Variants in DHX37 observed in about 807,000 individuals in gnomAD.
The protein encoded by DHX37 is probable ATP-dependent RNA helicase DHX37.
Under a neutral mutation model 134.3 loss-of-function variants are expected in DHX37, and 52 were observed. The ratio of observed to expected loss-of-function variants is 0.39; its 90% confidence interval spans 0.31 to 0.49. The LOEUF (loss-of-function observed/expected upper bound fraction) is 0.49. Ranked by LOEUF, DHX37 falls within the 20% of genes least tolerant of loss-of-function variation. DHX37 has a pLI of 0.93. For missense variants in DHX37, 1,344 were observed against 1,580.8 expected (o/e 0.85, Z 2.54); for synonymous variants, 634 against 670.7 (o/e 0.95, Z 0.85).
At position 124,966,898 on chromosome 12, in the gene DHX37, G is replaced by A; in HGVS notation, c.1505-20C>T. ...CCTTTTCTGGGAGAGGGGCAGGTTG[G>A]GGAGAAAGGCGTCTGTGGCCGGCGT... On this transcript the variant is annotated intron_variant, in intron 11 of 26. Transcript: ENST00000308736. 1 of 1,614,224 alleles carries A rather than the reference G, an allele frequency of 6.2e-7. No individual in the cohort carries two copies. The highest frequency in any genetic ancestry group is 8.5e-7 in the Non-Finnish European group (1 of 1,180,028).
rs201177773 is a variant in DHX37, at chr12:124,975,468, C to T, written c.931G>A (p.Ala311Thr). The change falls in exon 6 of 27, where the codon GCC (alanine) becomes ACC (threonine). Residue 311 changes from alanine (A) to threonine (T), a missense_variant. Physicochemically the swap from Ala to Thr is moderately conservative, Grantham distance 58 (BLOSUM62 0). Around this residue, in one of 7 missense-constraint regions of DHX37, gnomAD observed 32 missense variants for 28.9 expected, o/e 1.11. Coordinates refer to ENST00000308736, the MANE Select transcript of DHX37 (RefSeq NM_032656.4). ...GCCACTCGCTGGGACATGGCCACGG[C>T]GGCCACTCGGCGGGGCTCCGTGACA... ...IGVTEPRRVA[A>T]VAMSQRVAKE... 1.7e-4 allele frequency: 269 copies of T among 1,612,790 alleles called. 1 individual carries two copies. The highest frequency in any genetic ancestry group is 7.9e-4 in the South Asian group (72 of 91,084).
chr12:124,960,278 G>A, intron 16 of DHX37, 34 bp downstream of exon 16: 2 of 1,597,846 alleles, frequency 1.3e-6, no homozygotes, highest in South Asian at 1.1e-5. Context: ...GTCCACTGGG[G>A]TGGCTGAGAG....
At position 124,986,142 on chromosome 12, in the gene DHX37, T is replaced by G; in HGVS notation, c.230A>C (p.Lys77Thr). The change falls in exon 2 of 27, where the codon AAG becomes ACG. Residue 77 changes from lysine (K) to threonine (T), a missense_variant. Transcript: ENST00000308736. Reference sequence around the variant, plus strand: ...TTCTAAGATTTTCTGCAGCACTTTCTTCTCCTTCTTGGTCAGAGGCTTCTT... The same window carrying G: ...TTCTAAGATTTTCTGCAGCACTTTCGTCTCCTTCTTGGTCAGAGGCTTCTT... ...KEKKPLTKKE[K>T]KVLQKILEQK... The G allele has an allele frequency of 6.2e-7, 1 of 1,614,234 alleles. No homozygotes were observed. The highest frequency in any genetic ancestry group is 2.2e-5 in the East Asian group (1 of 44,876).
At position 124,950,331 on chromosome 12, in the gene DHX37, G is replaced by A. The variant is rs1413089235; in HGVS notation, c.3121+82C>T. ...TGCCCCACCCGAGACACACACGTCC[G>A]GGGGCAGGGGACAGGACCGTGTGTC... is the stretch of plus-strand genomic sequence containing the variant. On this transcript the variant is annotated intron_variant, in intron 23 of 26. Transcript: ENST00000308736. The A allele has an allele frequency of 8.7e-6, 14 of 1,601,050 alleles. No individual in the cohort carries two copies. The Admixed American group carries it at 1.4e-4, about 16-fold the overall frequency.
chr12:124,986,718 A>C (rs1388026989), intron 1 of DHX37, among the ~76,000 whole-genome samples: 1 of 151,790 alleles, frequency 6.6e-6, no homozygotes, highest in East Asian at 2.0e-4. Flanking sequence ...CTCAAAAAAA[A>C]GAAAACCCCC....
rs1338670812 is a variant in DHX37, at chr12:124,980,858, T to C, written c.390-20A>G. 1 of 1,542,560 alleles carries C rather than the reference T, an allele frequency of 6.5e-7. No homozygotes were observed. The highest frequency in any genetic ancestry group is 1.2e-5 in the South Asian group (1 of 84,576). On this transcript the variant is annotated intron_variant, in intron 3 of 26. Coordinates refer to ENST00000308736, the MANE Select transcript of DHX37 (RefSeq NM_032656.4). This position sits in a 1 kb window ranked among gnomAD's most constrained non-coding sequence, Gnocchi z 5.3. ...GCCTTCCTGTTGAGATAGCAGAGACTTCAGGCACAGAGGCCCCACCTCAAT... is the reference window on the plus strand; with the variant it reads ...GCCTTCCTGTTGAGATAGCAGAGACCTCAGGCACAGAGGCCCCACCTCAAT...
intron 6 of DHX37, among the ~76,000 whole-genome samples, chr12:124,974,603 G>C (rs1428117828): frequency 6.6e-6 from 1 of 150,552 alleles, no homozygotes; most frequent in African/African-American, 2.5e-5. Flanking sequence ...GGGCAGATGA[G>C]GCAGGCTCTC....
chr12:124,968,769 AT>A, intron 9 of DHX37, 97 bp downstream of exon 9: 1 of 1,596,902 alleles, frequency 6.3e-7, no homozygotes, highest in Non-Finnish European at 8.5e-7. Flanking sequence ...GCTGCTGTCA[AT>A]CCCCCCTGTG....
chr12:124,971,161 A>G lies in DHX37; in HGVS notation c.1191+141T>C, dbSNP rs934796012. The stretch of plus-strand genomic sequence containing the variant: ...TGGCACTAGGCCTAGACCTAGGCCC[A>G]GGGAGACCTTGTGCTCGGGGTACCT... On this transcript the variant is annotated intron_variant, in intron 8 of 26. Transcript: ENST00000308736. The G allele has an allele frequency of 3.7e-6, 5 of 1,359,120 alleles. No homozygotes were observed. The African/African-American group carries it at 7.2e-5, about 20-fold the overall frequency. The allele number at this position is 1,359,120 out of a possible 1,614,324, so 84.2% of individuals were successfully genotyped here.
Position 124,947,769 on chromosome 12 carries a change from A to G in DHX37, c.*33T>C. Reference sequence around the variant, plus strand: ...GCTGCTGCCAGCCCTCCAGTCCCCAAACCAGTCCTCGGCCCTGCAGCCAGG... The same window carrying G: ...GCTGCTGCCAGCCCTCCAGTCCCCAGACCAGTCCTCGGCCCTGCAGCCAGG... On this transcript the variant is annotated 3_prime_UTR_variant, in exon 27 of 27. Coordinates refer to ENST00000308736, the MANE Select transcript of DHX37 (RefSeq NM_032656.4). 1.3e-6 allele frequency: 2 copies of G among 1,529,194 alleles called. No homozygotes were observed. The highest frequency in any genetic ancestry group is 8.8e-7 in the Non-Finnish European group (1 of 1,137,762). The allele number at this position is 1,529,194 out of a possible 1,614,324, so 94.7% of individuals were successfully genotyped here.
chr12:124,973,542 T>C (rs2135957149), intron 6 of DHX37, among the ~76,000 whole-genome samples: 2 of 151,408 alleles, frequency 1.3e-5, no homozygotes, highest in South Asian at 4.2e-4. Context: ...TCCAACAGGC[T>C]AGGGCAAGAG....
chr12:124,976,366 G>A (rs150593177), intron 5 of DHX37, among the ~76,000 whole-genome samples: 35 of 152,342 alleles, frequency 2.3e-4, no homozygotes, highest in African/African-American at 8.2e-4. Context: ...ATGGTCTTGG[G>A]GACCCCAACA....
At chr12:124,962,886 C>A (rs528392333) in intron 15 of DHX37, among the ~76,000 whole-genome samples, 1 of 152,114 alleles carries the variant, frequency 6.6e-6, no homozygotes, top group Non-Finnish European at 1.5e-5. Flanking sequence ...GAAACTGAAA[C>A]CCTCATTCAC....
At position 124,966,994 on chromosome 12, in the gene DHX37, G is replaced by A. The variant is rs941390688; in HGVS notation, c.1505-116C>T. The A allele has an allele frequency of 2.5e-5, 38 of 1,525,716 alleles. No homozygotes were observed. In the African/African-American group the frequency reaches 3.3e-4, roughly 13 times the overall value. The allele number at this position is 1,525,716 out of a possible 1,614,324, so 94.5% of individuals were successfully genotyped here. On this transcript the variant is annotated intron_variant, in intron 11 of 26. Coordinates refer to ENST00000308736, the MANE Select transcript of DHX37 (RefSeq NM_032656.4). ...GTGGTGGCCATTTATTCGGGGGTGA[G>A]GTGGGGGATGGCAAAGGTGCTGATG...
intron 16 of DHX37, among the ~76,000 whole-genome samples, chr12:124,959,509 C>A (rs1426190998): frequency 6.6e-6 from 1 of 152,124 alleles, no homozygotes. Context: ...AGGTGTGAGC[C>A]ACCAGGCCCG....
chr12:124,965,934 C>A (rs1954378080), intron 12 of DHX37, 122 bp from the exon 13 acceptor site: 4 of 1,236,452 alleles, frequency 3.2e-6, no homozygotes, highest in Non-Finnish European at 4.4e-6. Context: ...GCCATGCAAC[C>A]CGGGGCAGGC....
At chr12:124,978,915 G>A (rs934455649) in intron 4 of DHX37, among the ~76,000 whole-genome samples, 1 of 147,270 alleles carries the variant, frequency 6.8e-6, no homozygotes, top group African/African-American at 2.5e-5. Context: ...CTGGGTAACA[G>A]AACAAGACAC....
At chr12:124,952,080 G>A (rs371589718) in intron 21 of DHX37, among the ~76,000 whole-genome samples, 15 of 152,304 alleles carry the variant, frequency 9.8e-5, no homozygotes, top group East Asian at 3.9e-4. Flanking sequence ...CTGGGAATTC[G>A]AGGCTGCAGT....
chr12:124,968,993 C>T (rs375561155), intron 8 of DHX37, 25 bp from the exon 9 acceptor site: 19 of 1,608,666 alleles, frequency 1.2e-5, no homozygotes, highest in African/African-American at 6.7e-5. Context: ...GCTCAGTGAC[C>T]GTGGCCCCAG....
Sources: allele counts gnomAD v4.1 joint callset (sites outside exome capture counted in the v4.1 genomes callset), GRCh38; gene constraint gnomAD v4.1.1; regional missense constraint gnomAD v4.1.1; non-coding constraint Gnocchi (gnomAD v3.1); transcripts MANE v1.5; gene names NCBI Gene and HGNC (gene_info 2026-07-23, HGNC 2026-07-21).